Variants in ANO4 observed in about 807,000 individuals in gnomAD.
ANO4 encodes anoctamin 4.
ANO4 carries 69 observed loss-of-function variants against 141.9 expected under a neutral mutation model. The observed-to-expected ratio is 0.49, with a 90% CI of 0.40 to 0.59. ANO4 has a LOEUF of 0.59. Among genes scored for constraint, ANO4 ranks in the 20% least tolerant of loss-of-function variants. The probability of loss-of-function intolerance (pLI) is 0.00; values close to 1 mark genes in which losing one functional copy is unlikely to be tolerated. For missense variants in ANO4, 894 were observed against 1,162.2 expected (o/e 0.77, Z 3.36); for synonymous variants, 350 against 394.3 (o/e 0.89, Z 1.33).
intron 3 of ANO4, among the ~76,000 whole-genome samples, chr12:100,928,908 T>C (rs1314135672): frequency 1.3e-5 from 2 of 152,154 alleles, no homozygotes; most frequent in African/African-American, 4.8e-5. Flanking sequence ...AATACCATCA[T>C]CTGTGCTGTT....
chr12:100,870,674 C>G (rs1330184336), intron 1 of ANO4, among the ~76,000 whole-genome samples: 1 of 152,008 alleles, frequency 6.6e-6, no homozygotes, highest in Non-Finnish European at 1.5e-5. Flanking sequence ...TTTTTATGGA[C>G]TGGAGGACAA....
At chr12:100,754,434 C>T (rs1448991018) in intron 3 of ANO4, among the ~76,000 whole-genome samples, 2 of 151,982 alleles carry the variant, frequency 1.3e-5, no homozygotes, top group African/African-American at 4.8e-5. Context: ...CCCACCCCCA[C>T]CACGTGTTGT....
intron 3 of ANO4, among the ~76,000 whole-genome samples, chr12:100,779,014 T>G (rs1036195648): frequency 6.6e-6 from 1 of 151,758 alleles, no homozygotes; most frequent in African/African-American, 2.4e-5. Context: ...AGATTTTTGT[T>G]TAACAGTGAG....
chr12:101,065,375 T>C (rs2048537556), intron 14 of ANO4, among the ~76,000 whole-genome samples: 1 of 152,074 alleles, frequency 6.6e-6, no homozygotes, highest in East Asian at 1.9e-4. Context: ...TAAATTTCAT[T>C]GATTATTAAG....
intron 1 of ANO4, among the ~76,000 whole-genome samples, chr12:100,859,596 C>T (rs1193121291): frequency 6.6e-6 from 1 of 152,124 alleles, no homozygotes; most frequent in Non-Finnish European, 1.5e-5. Flanking sequence ...TAATAGAAGA[C>T]AAACATTTAA....
rs142117398 is a variant in ANO4, at chr12:100,838,939, A to G, written c.-141+43912A>G. On this transcript the variant is annotated intron_variant, in intron 1 of 27. Transcript: ENST00000392977. ...GCAAGGAGCAAGTCCAATGGGCAGTATAGTTAGATGAAACAGAAGGGAGAC... is the reference window on the plus strand; with the variant it reads ...GCAAGGAGCAAGTCCAATGGGCAGTGTAGTTAGATGAAACAGAAGGGAGAC... Among the ~76,000 whole-genome samples, 1,159 of 152,310 alleles carry G rather than the reference A, an allele frequency of 7.6e-3. 12 individuals carry two copies. The highest frequency in any genetic ancestry group is 0.026 in the African/African-American group (1,069 of 41,576).
At chr12:100,992,912 C>T (rs1490047240) in intron 8 of ANO4, among the ~76,000 whole-genome samples, 2 of 152,166 alleles carry the variant, frequency 1.3e-5, no homozygotes, top group African/African-American at 4.8e-5. Context: ...CAAATACCTG[C>T]CAGCCACAGT....
At chr12:100,735,238 A>T (rs2031554538) in intron 2 of ANO4, among the ~76,000 whole-genome samples, 1 of 152,354 alleles carries the variant, frequency 6.6e-6, no homozygotes, top group Non-Finnish European at 1.5e-5. Flanking sequence ...GAAACACAAA[A>T]GTAAACCCAG....
chr12:101,091,354 T>G (rs1429936201), intron 17 of ANO4, among the ~76,000 whole-genome samples: 1 of 152,190 alleles, frequency 6.6e-6, no homozygotes, highest in Non-Finnish European at 1.5e-5. Context: ...CTCAGCTATC[T>G]GTGATGATGT....
intron 2 of ANO4, among the ~76,000 whole-genome samples, chr12:100,920,597 TTGTC>T (rs2041586032): frequency 6.7e-6 from 1 of 149,084 alleles, no homozygotes; most frequent in African/African-American, 2.5e-5. Flanking sequence ...GAAGGCGTCT[TTGTC>T]TGTCCTGTCT....
intron 3 of ANO4, among the ~76,000 whole-genome samples, chr12:100,741,389 G>A (rs889729252): frequency 3.9e-5 from 6 of 152,174 alleles, no homozygotes; most frequent in African/African-American, 1.4e-4. Context: ...CTTCACTAAA[G>A]GTTAAGAATC....
intron 1 of ANO4, among the ~76,000 whole-genome samples, chr12:100,893,239 G>A (rs80353553): frequency 0.037 from 5,631 of 150,226 alleles, 257 homozygotes; most frequent in East Asian, 0.22. Flanking sequence ...CAAGAAGGAG[G>A]ATTTTTTTTT....
chr12:100,893,692 C>G (rs536432009), intron 1 of ANO4, among the ~76,000 whole-genome samples: 2 of 152,204 alleles, frequency 1.3e-5, no homozygotes, highest in South Asian at 4.2e-4. Context: ...TACCTTCTCT[C>G]TCTATTGGGA....
intron 3 of ANO4, among the ~76,000 whole-genome samples, chr12:100,763,483 C>T (rs1419147170): frequency 6.6e-6 from 1 of 152,240 alleles, no homozygotes; most frequent in Non-Finnish European, 1.5e-5. Flanking sequence ...AGCAGAATCT[C>T]TAGTGCTTTT....
intron 1 of ANO4, among the ~76,000 whole-genome samples, chr12:100,867,869 T>G (rs1344641775): frequency 6.6e-6 from 1 of 152,186 alleles, no homozygotes; most frequent in African/African-American, 2.4e-5. Flanking sequence ...GAGTGTCATT[T>G]TGCACTCTTT....
intron 1 of ANO4, among the ~76,000 whole-genome samples, chr12:100,897,519 C>A (rs2040404895): frequency 6.6e-6 from 1 of 152,206 alleles, no homozygotes; most frequent in South Asian, 2.1e-4. Flanking sequence ...GCATCATCGC[C>A]CCACACCTGC....
intron 5 of ANO4, among the ~76,000 whole-genome samples, chr12:100,965,862 T>C (rs946671969): frequency 1.3e-5 from 2 of 152,152 alleles, no homozygotes; most frequent in African/African-American, 4.8e-5. Context: ...CTTTTCATAA[T>C]TTTACATCAT....
intron 8 of ANO4, 121 bp from the exon 9 acceptor site, chr12:101,019,913 G>A: frequency 7.9e-6 from 6 of 762,128 alleles, no homozygotes; most frequent in Non-Finnish European, 1.4e-5. Flanking sequence ...GGCTGTTCCA[G>A]ACACACCCTG....
intron 1 of ANO4, among the ~76,000 whole-genome samples, chr12:100,816,292 C>T (rs1187776261): frequency 1.3e-5 from 2 of 151,894 alleles, no homozygotes; most frequent in African/African-American, 4.8e-5. Flanking sequence ...TTATGAGTTA[C>T]AGGCAAATGG....
Sources: allele counts gnomAD v4.1 joint callset (sites outside exome capture counted in the v4.1 genomes callset), GRCh38; gene constraint gnomAD v4.1.1; transcripts MANE v1.5; gene names NCBI Gene and HGNC (gene_info 2026-07-23, HGNC 2026-07-21).